Variants in RAPH1 observed in about 807,000 individuals in gnomAD.
The protein encoded by RAPH1 is Ras association (RalGDS/AF-6) and pleckstrin homology domains 1.
In RAPH1, 18 loss-of-function variants were observed where a neutral mutation model predicts 88.1. That is an observed-to-expected ratio of 0.20 (90% CI 0.14 to 0.30). The LOEUF is 0.30. Ranked by LOEUF, RAPH1 falls within the 10% of genes least tolerant of loss-of-function variation. The pLI is 1.00. For missense variants in RAPH1, 1,448 were observed against 1,543.2 expected, an observed-to-expected ratio of 0.94 and a Z score of 1.03; for synonymous variants, 587 against 559.0, an observed-to-expected ratio of 1.05 and a Z score of -0.71.
rs192683271 is a variant in RAPH1, at chr2:203,495,160, T to A, written c.120+74A>T. 208 of 1,540,922 alleles carry A rather than the reference T, an allele frequency of 1.3e-4. No homozygotes were observed. In the African/African-American group the frequency reaches 2.7e-3, roughly 20 times the overall value. The stretch of plus-strand genomic sequence containing the variant: ...CTTTAAAATTTAACTTATATCCATA[T>A]CCTCTTCTGCACATTAAACTTTTAA... On this transcript the variant is annotated intron_variant, in intron 2 of 13. Coordinates refer to ENST00000319170, the MANE Select transcript of RAPH1 (RefSeq NM_213589.3).
At chr2:203,520,533 A>T (rs1310945898) in intron 1 of RAPH1, among the ~76,000 whole-genome samples, 1 of 151,840 alleles carries the variant, frequency 6.6e-6, no homozygotes. Context: ...AGGCTGAGGC[A>T]GGAGAATCGC....
At chr2:203,466,810 TAA>T (rs940609256) in intron 4 of RAPH1, among the ~76,000 whole-genome samples, 20 of 152,300 alleles carry the variant, frequency 1.3e-4, no homozygotes, top group African/African-American at 4.6e-4. Context: ...CAAATTTACG[TAA>T]AGACAAAAAC....
intron 4 of RAPH1, among the ~76,000 whole-genome samples, chr2:203,467,288 G>A (rs1446773400): frequency 6.6e-6 from 1 of 152,062 alleles, no homozygotes; most frequent in Non-Finnish European, 1.5e-5. Flanking sequence ...AGTATTCTCA[G>A]GATGCAAAAT....
rs202111057 is a variant in RAPH1, at chr2:203,441,291, G to A, written c.1899C>T (p.Pro633=). Residue 633 remains proline (P), a synonymous_variant, in exon 14 of 14, where the codon CCC becomes CCT. Coordinates refer to ENST00000319170, the MANE Select transcript of RAPH1 (RefSeq NM_213589.3). ...QPSPPLPPPP[P]PPPPPPPPPP... ...GAGGGGGTGGTGGAGGAGGAGGTGG[G>A]GGTGGCGGAGGAGGTAGAGGTGGTG... The A allele has an allele frequency of 2.4e-4, 369 of 1,531,926 alleles. 4 individuals carry two copies. The highest frequency in any genetic ancestry group is 2.2e-3 in the Middle Eastern group (9 of 4,150). 94.9% of individuals were successfully genotyped at this position (1,531,926 alleles called of 1,614,324 possible).
chr2:203,484,618 A>G (rs370086583), intron 4 of RAPH1, among the ~76,000 whole-genome samples: 30 of 152,258 alleles, frequency 2.0e-4, no homozygotes, highest in African/African-American at 7.2e-4. Flanking sequence ...GAGAAGCTGA[A>G]TGCTGGGCCA....
At chr2:203,510,069 A>G (rs1689268463) in intron 1 of RAPH1, among the ~76,000 whole-genome samples, 2 of 152,194 alleles carry the variant, frequency 1.3e-5, no homozygotes, top group African/African-American at 2.4e-5. Context: ...TTATAGTAAT[A>G]TGAGAATGGC....
At chr2:203,478,714 C>G (rs1464854285) in intron 4 of RAPH1, among the ~76,000 whole-genome samples, 1 of 152,110 alleles carries the variant, frequency 6.6e-6, no homozygotes, top group Non-Finnish European at 1.5e-5. Flanking sequence ...GCCTTGAACT[C>G]CTGACCTCAA....
At chr2:203,452,624 C>G (rs1038775558) in intron 10 of RAPH1, among the ~76,000 whole-genome samples, 1 of 152,100 alleles carries the variant, frequency 6.6e-6, no homozygotes, top group African/African-American at 2.4e-5. Flanking sequence ...CCCAGCAATA[C>G]TTACATTATA....
At chr2:203,494,128 C>CA (rs1688404774) in intron 2 of RAPH1, among the ~76,000 whole-genome samples, 1 of 151,938 alleles carries the variant, frequency 6.6e-6, no homozygotes, top group African/African-American at 2.4e-5. Flanking sequence ...TAGATTGCTG[C>CA]AGAAATAAGC....
At chr2:203,500,138 C>T (rs1045713523) in intron 1 of RAPH1, among the ~76,000 whole-genome samples, 1 of 152,072 alleles carries the variant, frequency 6.6e-6, no homozygotes, top group African/African-American at 2.4e-5. Context: ...AACATATAAT[C>T]TAGTAGGGAA....
At chr2:203,495,088 T>C (rs967477214) in intron 2 of RAPH1, 146 bp downstream of exon 2, 1 of 803,664 alleles carries the variant, frequency 1.2e-6, no homozygotes, top group Admixed American at 2.5e-5. Context: ...CTAGAATGAC[T>C]TCATTTACTT....
At chr2:203,479,808 G>T (rs1348012779) in intron 4 of RAPH1, among the ~76,000 whole-genome samples, 4 of 152,002 alleles carry the variant, frequency 2.6e-5, no homozygotes, top group Admixed American at 2.6e-4. Flanking sequence ...TGAATAAAAA[G>T]GGATTATAGA....
intron 1 of RAPH1, among the ~76,000 whole-genome samples, chr2:203,529,207 C>G (rs1690276615): frequency 6.6e-6 from 1 of 151,302 alleles, no homozygotes; most frequent in Non-Finnish European, 1.5e-5. Flanking sequence ...AAACTGGGCT[C>G]AAGCGATCCA....
At chr2:203,512,083 A>G (rs1298967137) in intron 1 of RAPH1, among the ~76,000 whole-genome samples, 4 of 152,124 alleles carry the variant, frequency 2.6e-5, no homozygotes, top group African/African-American at 4.8e-5. Flanking sequence ...AATGCACTCC[A>G]GCCTGGTGAC....
intron 1 of RAPH1, among the ~76,000 whole-genome samples, chr2:203,507,955 G>A (rs543905874): frequency 3.1e-4 from 47 of 152,028 alleles, no homozygotes; most frequent in African/African-American, 1.1e-3. Context: ...GCTCATGCCT[G>A]TAATCCCAGC....
chr2:203,506,820 C>CTATATATATATA (rs1228434767), intron 1 of RAPH1, among the ~76,000 whole-genome samples: 2 of 70,652 alleles, frequency 2.8e-5, no homozygotes, highest in Admixed American at 1.8e-4. Context: ...ATCTATATAT[C>CTATATATATATA]TATATATATA....
chr2:203,490,182 T>C (rs1688196751), intron 3 of RAPH1, 93 bp from the exon 4 acceptor site: 1 of 1,267,602 alleles, frequency 7.9e-7, no homozygotes, highest in Admixed American at 2.3e-5. Context: ...GAATATATTT[T>C]GTTGGGCCTA....
Position 203,439,474 on chromosome 2 carries a change from T to C in RAPH1, c.3716A>G (p.Lys1239Arg), listed in dbSNP as rs762361199. 4 of 1,613,766 alleles carry C rather than the reference T, an allele frequency of 2.5e-6. No individual in the cohort carries two copies. The highest frequency in any genetic ancestry group is 1.1e-5 in the South Asian group (1 of 91,076). The change falls in exon 14 of 14, where the codon AAA (lysine) becomes AGA (arginine). Residue 1239 changes from lysine to arginine, a missense_variant. This residue lies in a region of RAPH1 where 935 missense variants were observed against 890.1 expected (regional missense o/e 1.05). Coordinates refer to ENST00000319170, the MANE Select transcript of RAPH1 (RefSeq NM_213589.3). Reference protein sequence around the residue: ...LRRGPPPAPPKRDQNTKLSRD... With the variant: ...LRRGPPPAPPRRDQNTKLSRD... ...GGAGAGCTTGGTGTTCTGGTCTCTTTTGGGGGGAGCAGGAGGGGGTCCTCT... is the reference window on the plus strand; with the variant it reads ...GGAGAGCTTGGTGTTCTGGTCTCTTCTGGGGGGAGCAGGAGGGGGTCCTCT...
intron 4 of RAPH1, among the ~76,000 whole-genome samples, chr2:203,477,902 T>C (rs1687536660): frequency 6.6e-6 from 1 of 152,204 alleles, no homozygotes. Flanking sequence ...CCTTAATTCA[T>C]GCTAGAAGGT....
Sources: gnomAD v4.1 joint callset for allele counts (sites outside exome capture counted in the v4.1 genomes callset) on GRCh38, gnomAD v4.1.1 for gene constraint, gnomAD v4.1.1 regional missense constraint, MANE v1.5 for transcripts, NCBI Gene and HGNC (gene_info 2026-07-23, HGNC 2026-07-21) for gene names.